Variants in TTC28 observed in about 807,000 individuals in gnomAD.
The protein encoded by TTC28 is tetratricopeptide repeat domain 28, also known as tetratricopeptide repeat protein 28.
In TTC28, 61 loss-of-function variants were observed where a neutral mutation model predicts 198.0. The ratio of observed to expected loss-of-function variants is 0.31; its 90% confidence interval spans 0.25 to 0.38. The LOEUF (loss-of-function observed/expected upper bound fraction) is 0.38, where lower values mean the gene tolerates loss of function less well. Ranked by LOEUF, TTC28 falls within the 10% of genes least tolerant of loss-of-function variation. The pLI is 1.00. For synonymous variants in TTC28, 1,171 were observed against 1,297.8 expected, an observed-to-expected ratio of 0.90 and a Z score of 2.10; for missense variants, 2,678 against 3,164.0, an observed-to-expected ratio of 0.85 and a Z score of 3.69.
chr22:28,215,134 G>A (rs1055653361), intron 5 of TTC28, among the ~76,000 whole-genome samples: 1 of 152,132 alleles, frequency 6.6e-6, no homozygotes, highest in Non-Finnish European at 1.5e-5. Flanking sequence ...GCCTGTGGTG[G>A]GGTTGGGGGA....
chr22:28,013,234 A>G (rs1938228273), intron 14 of TTC28, among the ~76,000 whole-genome samples: 1 of 152,072 alleles, frequency 6.6e-6, no homozygotes, highest in African/African-American at 2.4e-5. Flanking sequence ...TGTGAGACAA[A>G]TCTCCCACCT....
intron 6 of TTC28, among the ~76,000 whole-genome samples, chr22:28,128,183 T>C (rs980508004): frequency 6.6e-6 from 1 of 152,138 alleles, no homozygotes; most frequent in Non-Finnish European, 1.5e-5. Context: ...CTGGGCACAG[T>C]GGCTCACGCC....
At chr22:28,659,957 C>A (rs932775849) in intron 1 of TTC28, among the ~76,000 whole-genome samples, 11 of 151,864 alleles carry the variant, frequency 7.2e-5, no homozygotes, top group Non-Finnish European at 1.3e-4. Context: ...CACCACCACG[C>A]CCAACTAATT....
At chr22:28,341,717 G>T (rs2045832337) in intron 2 of TTC28, among the ~76,000 whole-genome samples, 1 of 152,058 alleles carries the variant, frequency 6.6e-6, no homozygotes, top group African/African-American at 2.4e-5. Context: ...TTGAACCCGG[G>T]AGGCAGAGGT....
chr22:28,432,849 A>T (rs1434238878), intron 2 of TTC28, among the ~76,000 whole-genome samples: 1 of 152,172 alleles, frequency 6.6e-6, no homozygotes, highest in Non-Finnish European at 1.5e-5. Context: ...ATTATAAAGT[A>T]TGTGAAGTTT....
At chr22:28,146,687 C>T (rs575525896) in intron 6 of TTC28, among the ~76,000 whole-genome samples, 5 of 152,224 alleles carry the variant, frequency 3.3e-5, no homozygotes, top group East Asian at 1.9e-4. Context: ...TTGTCTTATT[C>T]GGGATTAGAT....
At chr22:28,278,922 T>A (rs1028258671) in intron 5 of TTC28, among the ~76,000 whole-genome samples, 4 of 152,174 alleles carry the variant, frequency 2.6e-5, no homozygotes, top group African/African-American at 9.6e-5. Context: ...GAGATGGGAA[T>A]TGTGAAGTGG....
chr22:28,675,990 C>T (rs1358944110), intron 1 of TTC28, among the ~76,000 whole-genome samples: 1 of 151,926 alleles, frequency 6.6e-6, no homozygotes, highest in Non-Finnish European at 1.5e-5. Flanking sequence ...ATCATATGAC[C>T]CAGATAGTCT....
At chr22:28,457,215 G>A (rs1460753312) in intron 2 of TTC28, among the ~76,000 whole-genome samples, 2 of 152,136 alleles carry the variant, frequency 1.3e-5, no homozygotes, top group African/African-American at 4.8e-5. Context: ...GGCCGAGTAA[G>A]ATGAAACTAA....
At chr22:28,559,416 T>C (rs79230955) in intron 2 of TTC28, among the ~76,000 whole-genome samples, 1 of 152,256 alleles carries the variant, frequency 6.6e-6, no homozygotes, top group African/African-American at 2.4e-5. Context: ...GTTCAATCAT[T>C]TACGAAGTTA....
At chr22:28,264,959 CTA>C (rs1931585509) in intron 5 of TTC28, among the ~76,000 whole-genome samples, 1 of 152,058 alleles carries the variant, frequency 6.6e-6, no homozygotes, top group Non-Finnish European at 1.5e-5. Flanking sequence ...TACCAATATT[CTA>C]TGTTTTCAAC....
intron 16 of TTC28, chr22:27,997,802 G>A (rs1258312726): frequency 6.6e-6 from 1 of 152,420 alleles, no homozygotes; most frequent in East Asian, 1.9e-4. Context: ...CCAGGGTTTG[G>A]TTTGTACTCT....
At chr22:28,308,085 C>A (rs906062136) in intron 2 of TTC28, among the ~76,000 whole-genome samples, 5 of 152,244 alleles carry the variant, frequency 3.3e-5, no homozygotes, top group South Asian at 2.1e-4. Context: ...TTATTACAGA[C>A]TACTGAGGCT....
At chr22:28,409,654 T>C (rs1187832940) in intron 2 of TTC28, among the ~76,000 whole-genome samples, 1 of 150,364 alleles carries the variant, frequency 6.7e-6, no homozygotes, top group Non-Finnish European at 1.5e-5. Flanking sequence ...CTTTGTGCTT[T>C]TTCTTTTTCT....
intron 1 of TTC28, among the ~76,000 whole-genome samples, chr22:28,678,198 T>C (rs926592541): frequency 6.6e-6 from 1 of 152,228 alleles, no homozygotes; most frequent in Non-Finnish European, 1.5e-5. Flanking sequence ...AGCTGGAGTA[T>C]ACATAATCAT....
chr22:28,104,545 AG>A (rs1942243068), intron 8 of TTC28, among the ~76,000 whole-genome samples: 2 of 152,144 alleles, frequency 1.3e-5, no homozygotes, highest in African/African-American at 4.8e-5. Context: ...GACTTTCAAG[AG>A]CAGAAAGCCT....
chr22:27,993,127 T>A, intron 18 of TTC28, 160 bp downstream of exon 18: 1 of 658,190 alleles, frequency 1.5e-6, no homozygotes, highest in Non-Finnish European at 2.5e-6. Context: ...CCTCCAGGTG[T>A]GGAGATGCTT....
intron 2 of TTC28, among the ~76,000 whole-genome samples, chr22:28,389,195 CT>C (rs2046670987): frequency 6.6e-6 from 1 of 152,192 alleles, no homozygotes; most frequent in African/African-American, 2.4e-5. Context: ...ATGAGGCCCA[CT>C]TGATCATGGT....
rs1467934564 is a variant in TTC28 at position 28,581,998 on chromosome 22, GT to G, written c.381+47553del. On this transcript the variant is annotated intron_variant, in intron 2 of 22. Transcript: ENST00000397906. The stretch of plus-strand genomic sequence containing the variant: ...TTTTATCTCAAAATATTATTAAGTG[GT>G]TTCCTTTTTTGAAAAAAAGCAACAT... 2.0e-5 allele frequency among the ~76,000 whole-genome samples: 3 copies of G among 151,622 alleles called. No individual in the cohort carries two copies. In the East Asian group the frequency reaches 5.8e-4, roughly 29 times the overall value.
Sources: allele counts gnomAD v4.1 joint callset (sites outside exome capture counted in the v4.1 genomes callset), GRCh38; gene constraint gnomAD v4.1.1; transcripts MANE v1.5; gene names NCBI Gene and HGNC (gene_info 2026-07-23, HGNC 2026-07-21).